The following NRCAM variants were observed in gnomAD, a reference collection of about 807,000 sequenced individuals.
NRCAM encodes the protein neuronal cell adhesion molecule, also known as NgCAM-related cell adhesion molecule.
NRCAM carries 83 observed loss-of-function variants against 156.5 expected under a neutral mutation model. The ratio of observed to expected loss-of-function variants is 0.53; its 90% confidence interval spans 0.44 to 0.64. NRCAM has a LOEUF of 0.64. Among genes scored for constraint, NRCAM ranks in the 30% least tolerant of loss-of-function variants. The pLI is 0.00. For synonymous variants in NRCAM, 538 were observed against 563.9 expected, an observed-to-expected ratio of 0.95 and a Z score of 0.65; for missense variants, 1,417 against 1,597.3, an observed-to-expected ratio of 0.89 and a Z score of 1.92.
intron 13 of NRCAM, among the ~76,000 whole-genome samples, chr7:108,206,943 T>TG (rs2081476075): frequency 6.6e-6 from 1 of 152,236 alleles, no homozygotes; most frequent in African/African-American, 2.4e-5. Flanking sequence ...TAGCAGCAGC[T>TG]CTCAGGGAGG....
At chr7:108,389,884 C>G (rs1020169985) in intron 2 of NRCAM, among the ~76,000 whole-genome samples, 1 of 152,128 alleles carries the variant, frequency 6.6e-6, no homozygotes, top group Non-Finnish European at 1.5e-5. Flanking sequence ...GTTGAATGAG[C>G]CTTGCATCTC....
chr7:108,243,543 T>C (rs1049813219), intron 3 of NRCAM, among the ~76,000 whole-genome samples: 7 of 152,242 alleles, frequency 4.6e-5, no homozygotes, highest in African/African-American at 2.4e-5. Context: ...AATGTAATTA[T>C]ACTACAATGA....
intron 2 of NRCAM, among the ~76,000 whole-genome samples, chr7:108,359,466 TG>T (rs1299786630): frequency 2.0e-5 from 3 of 152,102 alleles, no homozygotes; most frequent in Non-Finnish European, 4.4e-5. Context: ...TGATTGGCAA[TG>T]GGAGATGGGA....
intron 30 of NRCAM, among the ~76,000 whole-genome samples, chr7:108,164,563 G>A (rs924464504): frequency 6.6e-6 from 1 of 151,708 alleles, no homozygotes; most frequent in Admixed American, 6.6e-5. Flanking sequence ...GAGAGGAGAG[G>A]AGAGGAGAGG....
intron 3 of NRCAM, among the ~76,000 whole-genome samples, chr7:108,250,313 C>T (rs963202194): frequency 1.3e-5 from 2 of 150,724 alleles, no homozygotes; most frequent in Admixed American, 1.3e-4. Context: ...GTAGTCCCAA[C>T]TACGCAGGAG....
At chr7:108,212,322 T>C (rs1387122529) in intron 11 of NRCAM, among the ~76,000 whole-genome samples, 1 of 152,124 alleles carries the variant, frequency 6.6e-6, no homozygotes, top group African/African-American at 2.4e-5. Flanking sequence ...TCTGGTAATA[T>C]GACTAAACAA....
chr7:108,250,839 A>T (rs1165850859), intron 3 of NRCAM, among the ~76,000 whole-genome samples: 8 of 152,182 alleles, frequency 5.3e-5, no homozygotes, highest in African/African-American at 1.9e-4. Flanking sequence ...TACGCATTGG[A>T]TGCCTCTATC....
rs76584000 is a variant in NRCAM at position 108,433,480 on chromosome 7, T to C, written c.-332+22763A>G. Among the ~76,000 whole-genome samples, 436 of 152,282 alleles carry C rather than the reference T, an allele frequency of 2.9e-3. 13 individuals are homozygous for C. The East Asian group carries it at 0.051, about 18-fold the overall frequency. On this transcript the variant is annotated intron_variant, in intron 1 of 32. Coordinates refer to ENST00000379028, the MANE Select transcript of NRCAM (RefSeq NM_001037132.4). The stretch of plus-strand genomic sequence containing the variant: ...TTAGACATGAACCTCACGTTGAAAT[T>C]TGATCCCCAATATGGGGGATTATTG...
At chr7:108,298,504 T>A (rs1339191777) in intron 3 of NRCAM, among the ~76,000 whole-genome samples, 2 of 149,322 alleles carry the variant, frequency 1.3e-5, no homozygotes, top group South Asian at 2.1e-4. Flanking sequence ...AAAAAAAAAA[T>A]TAGCCGGGTG....
rs149027030 is a variant in NRCAM at position 108,310,519 on chromosome 7, G to C, written c.-107+2146C>G. On this transcript the variant is annotated intron_variant, in intron 3 of 32. Transcript: ENST00000379028. ...TGGGCCTGAGAGTTTGCAAACCACA[G>C]TCCACAATTCTGGCTGCATGCATTT... 6.6e-4 allele frequency among the ~76,000 whole-genome samples: 101 copies of C among 152,288 alleles called. 1 individual carries two copies. The highest frequency in any genetic ancestry group is 3.4e-3 in the Middle Eastern group (1 of 294).
intron 28 of NRCAM, among the ~76,000 whole-genome samples, chr7:108,174,815 C>T (rs2059866721): frequency 6.6e-6 from 1 of 152,178 alleles, no homozygotes; most frequent in Admixed American, 6.5e-5. Flanking sequence ...AGACTTAGTC[C>T]CAAACCAGTT....
chr7:108,226,243 T>C lies in NRCAM; in HGVS notation c.686A>G (p.Gln229Arg), dbSNP rs2093426366. 1 of 1,608,182 alleles carries C rather than the reference T, an allele frequency of 6.2e-7. No individual in the cohort carries two copies. Among genetic ancestry groups the C allele is most frequent in the South Asian group, 1.1e-5 (1 of 89,998 alleles). Residue 229 changes from glutamine (Q) to arginine (R), a missense_variant, in exon 9 of 33, where the codon CAG (glutamine) becomes CGG (arginine). Around this residue, in one of 2 missense-constraint regions of NRCAM, gnomAD observed 1,238 missense variants for 1,336.4 expected, o/e 0.93. Transcript: ENST00000379028. ...CTTCACAGAAATAGGTTGCTTCTGC[T>C]GTATGGTTTGAGTATGATTAAATCT... ...YARFNHTQTIQQKQPISVKVI... is the reference protein window; with the variant it reads ...YARFNHTQTIRQKQPISVKVI...
chr7:108,301,317 T>A (rs1433142307), intron 3 of NRCAM, among the ~76,000 whole-genome samples: 1 of 152,196 alleles, frequency 6.6e-6, no homozygotes, highest in Non-Finnish European at 1.5e-5. Flanking sequence ...AAGCAAAATG[T>A]GGAAATGTTC....
intron 1 of NRCAM, among the ~76,000 whole-genome samples, chr7:108,443,985 G>A (rs1453801694): frequency 6.6e-6 from 1 of 152,124 alleles, no homozygotes. Flanking sequence ...GATAGAGAGA[G>A]AGAGAGATAG....
intron 3 of NRCAM, among the ~76,000 whole-genome samples, chr7:108,288,496 A>G (rs569311311): frequency 6.6e-6 from 1 of 152,162 alleles, no homozygotes; most frequent in African/African-American, 2.4e-5. Flanking sequence ...ACTAATGTAC[A>G]TGCATCTTTA....
chr7:108,184,352 T>C lies in NRCAM; in HGVS notation c.2234-41A>G, dbSNP rs779522401. 7.4e-5 allele frequency: 120 copies of C among 1,613,500 alleles called. No homozygotes were observed. The Middle Eastern group carries it at 8.2e-4, about 11-fold the overall frequency. ...CCACACATGTGTAAGCTTTGGCCTT[T>C]TGCGAAGAGTGGAAAACTTTTTTAT... On this transcript the variant is annotated intron_variant, in intron 21 of 32. Transcript: ENST00000379028.
At chr7:108,449,097 G>A (rs1373767738) in intron 1 of NRCAM, among the ~76,000 whole-genome samples, 1 of 152,214 alleles carries the variant, frequency 6.6e-6, no homozygotes, top group Non-Finnish European at 1.5e-5. Flanking sequence ...TTAATGCAGC[G>A]TACAGCAGCA....
At chr7:108,339,296 T>A (rs537870973) in intron 2 of NRCAM, among the ~76,000 whole-genome samples, 1 of 152,194 alleles carries the variant, frequency 6.6e-6, no homozygotes, top group South Asian at 2.1e-4. Flanking sequence ...GAGACTCTTG[T>A]GGAAGCAGAG....
At chr7:108,210,605 T>C (rs947114426) in intron 11 of NRCAM, among the ~76,000 whole-genome samples, 7 of 152,218 alleles carry the variant, frequency 4.6e-5, no homozygotes, top group African/African-American at 1.7e-4. Context: ...GAATATAGGC[T>C]TGGAGTTAGA....
Sources: allele counts gnomAD v4.1 joint callset (sites outside exome capture counted in the v4.1 genomes callset), GRCh38; gene constraint gnomAD v4.1.1; regional missense constraint gnomAD v4.1.1; transcripts MANE v1.5; gene names NCBI Gene and HGNC (gene_info 2026-07-23, HGNC 2026-07-21).